The following CNBD1 variants were observed in gnomAD, a reference collection of about 807,000 sequenced individuals.
CNBD1 encodes cyclic nucleotide binding domain containing 1.
CNBD1 carries 71 observed loss-of-function variants against 54.4 expected under a neutral mutation model. The ratio of observed to expected loss-of-function variants is 1.30; its 90% CI spans 1.08 to 1.59. The LOEUF is 1.59. Ranked by LOEUF, CNBD1 falls within the 40% of genes most tolerant of loss-of-function variation. The probability of loss-of-function intolerance (pLI) is 0.00; values close to 1 mark genes in which losing one functional copy is unlikely to be tolerated. For synonymous variants in CNBD1, 182 were observed against 170.7 expected, an observed-to-expected ratio of 1.07 and a Z score of -0.51; for missense variants, 659 against 518.0, an observed-to-expected ratio of 1.27 and a Z score of -2.64.
intron 10 of CNBD1, among the ~76,000 whole-genome samples, chr8:87,378,640 CT>C (rs1563577747): frequency 6.7e-6 from 1 of 148,944 alleles, no homozygotes; most frequent in Admixed American, 6.7e-5. Flanking sequence ...TCTGCAGGCT[CT>C]TTTTTGGTTC....
Position 87,266,883 on chromosome 8 carries a change from A to C in CNBD1, c.772-17795A>C, listed in dbSNP as rs186217985. Among the ~76,000 whole-genome samples, 3 of 152,210 alleles carry C rather than the reference A, an allele frequency of 2.0e-5. No homozygotes were observed. In the East Asian group the frequency reaches 5.8e-4, roughly 29 times the overall value. ...ATGCCTACTTTACACCATTCATAAAACTTAATTTAGGCATCACATGCCTAA... is the reference window on the plus strand; with the variant it reads ...ATGCCTACTTTACACCATTCATAAACCTTAATTTAGGCATCACATGCCTAA... On this transcript the variant is annotated intron_variant, in intron 6 of 10. Coordinates refer to ENST00000518476, the MANE Select transcript of CNBD1 (RefSeq NM_173538.3).
At chr8:86,867,964 G>C (rs1238473373) in intron 1 of CNBD1, among the ~76,000 whole-genome samples, 1 of 152,144 alleles carries the variant, frequency 6.6e-6, no homozygotes, top group African/African-American at 2.4e-5. Flanking sequence ...TCCTTTAGAG[G>C]TTCGCACTTG....
chr8:86,993,533 C>A (rs1808799414), intron 4 of CNBD1, among the ~76,000 whole-genome samples: 1 of 152,142 alleles, frequency 6.6e-6, no homozygotes, highest in South Asian at 2.1e-4. Context: ...GACATTGTAG[C>A]TTTTTAAATT....
rs1362085371 is a variant in CNBD1, at chr8:87,349,871, A to G, written c.1043-1814A>G. ...TTGCAACAATGGTTTGGGTTTTCCA[A>G]TTTTGTCTTGACTTCAACACAAAGA... On this transcript the variant is annotated intron_variant, in intron 8 of 10. Transcript: ENST00000518476. 1.6e-4 allele frequency among the ~76,000 whole-genome samples: 24 copies of G among 152,160 alleles called. 1 individual carries two copies. Among genetic ancestry groups the G allele is most frequent in the Admixed American group, 1.6e-3 (24 of 15,262 alleles).
chr8:87,252,998 A>G (rs1175875799), intron 6 of CNBD1, among the ~76,000 whole-genome samples: 1 of 152,168 alleles, frequency 6.6e-6, no homozygotes, highest in Non-Finnish European at 1.5e-5. Flanking sequence ...AATGCCTGGT[A>G]TGTGAAAAGT....
At chr8:87,122,758 A>G (rs1444871919) in intron 4 of CNBD1, among the ~76,000 whole-genome samples, 2 of 151,858 alleles carry the variant, frequency 1.3e-5, no homozygotes, top group Non-Finnish European at 3.0e-5. Flanking sequence ...TAAAGGTCCA[A>G]TTTCATTCCT....
At chr8:87,022,377 T>C (rs878955443) in intron 4 of CNBD1, among the ~76,000 whole-genome samples, 5 of 152,164 alleles carry the variant, frequency 3.3e-5, no homozygotes, top group Admixed American at 2.6e-4. Context: ...GGCCCCTCTT[T>C]GTTGTTAAGT....
At chr8:87,363,649 CTTCTT>C (rs201280767) in intron 10 of CNBD1, among the ~76,000 whole-genome samples, 8,350 of 152,076 alleles carry the variant, frequency 0.055, 262 homozygotes, top group African/African-American at 0.063. Context: ...TGCTAAATGT[CTTCTT>C]TTGAGGAGTG....
At chr8:86,938,166 G>C (rs1196975447) in intron 3 of CNBD1, among the ~76,000 whole-genome samples, 1 of 152,174 alleles carries the variant, frequency 6.6e-6, no homozygotes, top group African/African-American at 2.4e-5. Context: ...AACATAGCAA[G>C]AGTCACCTTT....
At chr8:87,180,509 T>C (rs1348723258) in intron 4 of CNBD1, among the ~76,000 whole-genome samples, 1 of 152,190 alleles carries the variant, frequency 6.6e-6, no homozygotes, top group Admixed American at 6.5e-5. Flanking sequence ...TGCTTTCACC[T>C]GTACAATGAC....
chr8:87,285,513 G>T (rs1808677455), intron 7 of CNBD1, among the ~76,000 whole-genome samples: 1 of 152,116 alleles, frequency 6.6e-6, no homozygotes, highest in South Asian at 2.1e-4. Context: ...CGAGGAGGGT[G>T]TATCACCTGA....
chr8:87,070,075 G>T lies in CNBD1; in HGVS notation c.431+130321G>T, dbSNP rs976182663. Among the ~76,000 whole-genome samples, 9 of 152,024 alleles carry T rather than the reference G, an allele frequency of 5.9e-5. No individual in the cohort carries two copies. The East Asian group carries it at 1.5e-3, about 26-fold the overall frequency. ...GTGTCAGATAGCTGGATACTCAAAG[G>T]TTTAATAAATTAGTGGGTATCCACA... is the stretch of plus-strand genomic sequence containing the variant. On this transcript the variant is annotated intron_variant, in intron 4 of 10. Transcript: ENST00000518476.
intron 6 of CNBD1, among the ~76,000 whole-genome samples, chr8:87,244,456 G>C (rs1052642863): frequency 6.6e-6 from 1 of 152,116 alleles, no homozygotes; most frequent in Non-Finnish European, 1.5e-5. Flanking sequence ...ATATAATTGA[G>C]AGTGATCAAG....
At chr8:86,935,275 A>G (rs1376941581) in intron 3 of CNBD1, among the ~76,000 whole-genome samples, 1 of 152,100 alleles carries the variant, frequency 6.6e-6, no homozygotes. Context: ...TGACCTCGTA[A>G]TCCACCTGCC....
intron 3 of CNBD1, among the ~76,000 whole-genome samples, chr8:86,927,630 A>T (rs1287812803): frequency 6.6e-6 from 1 of 152,054 alleles, no homozygotes; most frequent in Non-Finnish European, 1.5e-5. Context: ...TGTGATTAGG[A>T]TTTTCGTCCT....
At chr8:86,964,925 G>C (rs191071829) in intron 4 of CNBD1, among the ~76,000 whole-genome samples, 4 of 152,174 alleles carry the variant, frequency 2.6e-5, no homozygotes, top group Non-Finnish European at 4.4e-5. Flanking sequence ...CATAAGGGAC[G>C]TTGGACTATT....
At chr8:87,284,569 A>T (rs1808655873) in intron 6 of CNBD1, 109 bp from the exon 7 acceptor site, 3 of 933,580 alleles carry the variant, frequency 3.2e-6, no homozygotes, top group South Asian at 4.1e-5. Flanking sequence ...GACAGTTTAG[A>T]ACCCCCTCTT....
chr8:87,361,871 A>G (rs751672995), intron 10 of CNBD1, among the ~76,000 whole-genome samples: 1 of 151,936 alleles, frequency 6.6e-6, no homozygotes, highest in Non-Finnish European at 1.5e-5. Context: ...TGTTCCTTGA[A>G]TTCTTGAAAA....
intron 6 of CNBD1, among the ~76,000 whole-genome samples, chr8:87,249,347 T>G (rs1001355478): frequency 6.6e-6 from 1 of 152,158 alleles, no homozygotes; most frequent in African/African-American, 2.4e-5. Flanking sequence ...GATGAAGCTT[T>G]TCCTGCTTGC....
Sources: allele counts gnomAD v4.1 joint callset (sites outside exome capture counted in the v4.1 genomes callset), GRCh38; gene constraint gnomAD v4.1.1; transcripts MANE v1.5; gene names NCBI Gene and HGNC (gene_info 2026-07-23, HGNC 2026-07-21).